The following BRINP3 variants were observed in gnomAD, a reference collection of about 807,000 sequenced individuals.
BRINP3 encodes the protein BMP/retinoic acid-inducible neural-specific protein 3.
BRINP3 carries 19 observed loss-of-function variants against 71.0 expected under a neutral mutation model. The ratio of observed to expected loss-of-function variants is 0.27; its 90% CI spans 0.19 to 0.39. BRINP3 has a LOEUF of 0.39. BRINP3 is among the 10% of genes least tolerant of loss of function. The pLI, the probability that BRINP3 is intolerant of heterozygous loss-of-function variation, is 1.00. For missense variants in BRINP3, 959 were observed against 940.8 expected, an observed-to-expected ratio of 1.02 and a Z score of -0.25; for synonymous variants, 380 against 337.7, an observed-to-expected ratio of 1.13 and a Z score of -1.37.
At chr1:190,150,772 A>T (rs947719419) in intron 7 of BRINP3, among the ~76,000 whole-genome samples, 6 of 152,206 alleles carry the variant, frequency 3.9e-5, no homozygotes, top group African/African-American at 1.2e-4. Context: ...ATGCACGATT[A>T]TATTTTTAAA....
intron 2 of BRINP3, among the ~76,000 whole-genome samples, chr1:190,327,311 TC>T (rs1159948907): frequency 6.5e-5 from 4 of 61,730 alleles, no homozygotes; most frequent in Non-Finnish European, 1.3e-4. Context: ...CGAGGCTCCA[TC>T]TCAAAAAAAA....
intron 4 of BRINP3, among the ~76,000 whole-genome samples, chr1:190,262,161 A>G (rs1211874387): frequency 6.6e-6 from 1 of 152,132 alleles, no homozygotes; most frequent in Non-Finnish European, 1.5e-5. Context: ...GCACATGATC[A>G]TGGGTTTCTG....
chr1:190,277,115 A>ATATATATATATATT (rs1212564236), intron 3 of BRINP3, among the ~76,000 whole-genome samples: 4 of 129,294 alleles, frequency 3.1e-5, no homozygotes, highest in African/African-American at 1.1e-4. Context: ...ATATATATAT[A>ATATATATATATATT]TATTTATATT....
chr1:190,235,494 G>C (rs1362234412), intron 4 of BRINP3, among the ~76,000 whole-genome samples: 1 of 151,986 alleles, frequency 6.6e-6, no homozygotes, highest in East Asian at 1.9e-4. Flanking sequence ...ATCATTTAAT[G>C]GTTTCCCATT....
chr1:190,371,338 A>T (rs1407744923), intron 2 of BRINP3, among the ~76,000 whole-genome samples: 1 of 152,132 alleles, frequency 6.6e-6, no homozygotes, highest in Non-Finnish European at 1.5e-5. Context: ...ATCCATTTTG[A>T]GTTGATTCCC....
At position 190,217,769 on chromosome 1, in the gene BRINP3, G is replaced by A. The variant is rs375013295; in HGVS notation, c.961+8313C>T. 3.9e-5 allele frequency among the ~76,000 whole-genome samples: 6 copies of A among 151,946 alleles called. No homozygotes were observed. The East Asian group carries it at 7.8e-4, about 20-fold the overall frequency. ...TGTAGATCACTGTTTTCCCAATATC[G>A]ACATAACGGCATCCACTATGGCAAG... On this transcript the variant is annotated intron_variant, in intron 6 of 7. Coordinates refer to ENST00000367462, the MANE Select transcript of BRINP3 (RefSeq NM_199051.3).
At chr1:190,442,780 T>C (rs943843695) in intron 2 of BRINP3, among the ~76,000 whole-genome samples, 4 of 147,874 alleles carry the variant, frequency 2.7e-5, no homozygotes, top group Non-Finnish European at 6.0e-5. Flanking sequence ...TTACTTTGTG[T>C]GTATTTTCTT....
chr1:190,303,852 A>AT lies in BRINP3; in HGVS notation c.237-22103dup, dbSNP rs1664901938. 2.6e-5 allele frequency among the ~76,000 whole-genome samples: 4 copies of AT among 151,888 alleles called. No homozygotes were observed. In the South Asian group the frequency reaches 8.3e-4, roughly 31 times the overall value. On this transcript the variant is annotated intron_variant, in intron 2 of 7. Coordinates refer to ENST00000367462, the MANE Select transcript of BRINP3 (RefSeq NM_199051.3). Reference sequence around the variant, plus strand: ...AATTACAGGGTTAGATAAAGTAAATATTTTTATTTTCCCCCTAGGTATTTA... The same window carrying AT: ...AATTACAGGGTTAGATAAAGTAAATATTTTTTATTTTCCCCCTAGGTATTTA...
chr1:190,443,380 G>C (rs1487621121), intron 2 of BRINP3, among the ~76,000 whole-genome samples: 3 of 150,830 alleles, frequency 2.0e-5, no homozygotes, highest in African/African-American at 7.3e-5. Flanking sequence ...ACTCTAGCCT[G>C]GGCGACAGAG....
At chr1:190,263,013 A>G (rs1175728616) in intron 4 of BRINP3, among the ~76,000 whole-genome samples, 4 of 152,070 alleles carry the variant, frequency 2.6e-5, no homozygotes, top group Non-Finnish European at 4.4e-5. Context: ...GTGCCTGTAT[A>G]TTTCTTACTT....
At chr1:190,274,595 C>T (rs1384684332) in intron 3 of BRINP3, among the ~76,000 whole-genome samples, 2 of 151,572 alleles carry the variant, frequency 1.3e-5, no homozygotes, top group East Asian at 3.9e-4. Context: ...AAAAGATGGT[C>T]CATTTTTTGG....
intron 4 of BRINP3, among the ~76,000 whole-genome samples, chr1:190,259,808 AC>A (rs1661016661): frequency 6.6e-6 from 1 of 151,632 alleles, no homozygotes; most frequent in Admixed American, 6.6e-5. Context: ...GGCGGGTGAA[AC>A]ACCTGAGGTC....
chr1:190,424,707 G>T (rs1673591411), intron 2 of BRINP3, among the ~76,000 whole-genome samples: 1 of 151,574 alleles, frequency 6.6e-6, no homozygotes, highest in Non-Finnish European at 1.5e-5. Context: ...GAGAATTTTA[G>T]CGTTTAAAGA....
At chr1:190,290,858 G>C (rs1220729174) in intron 2 of BRINP3, among the ~76,000 whole-genome samples, 7 of 151,714 alleles carry the variant, frequency 4.6e-5, no homozygotes, top group Non-Finnish European at 1.0e-4. Context: ...TTGATTGAAA[G>C]GTGGCTGTTA....
intron 5 of BRINP3, among the ~76,000 whole-genome samples, chr1:190,228,992 G>C (rs1458596027): frequency 6.6e-6 from 1 of 151,964 alleles, no homozygotes. Flanking sequence ...CGGTGTGAAA[G>C]GACTAGTTTG....
chr1:190,346,479 C>T (rs1668028282), intron 2 of BRINP3, among the ~76,000 whole-genome samples: 1 of 151,960 alleles, frequency 6.6e-6, no homozygotes, highest in East Asian at 1.9e-4. Context: ...GAATCTCAAA[C>T]ACTTTTTCGT....
intron 7 of BRINP3, among the ~76,000 whole-genome samples, chr1:190,128,580 G>A (rs1654275805): frequency 6.6e-6 from 1 of 151,670 alleles, no homozygotes; most frequent in African/African-American, 2.4e-5. Flanking sequence ...TTAGAAGTCT[G>A]TCCAATATCT....
intron 3 of BRINP3, among the ~76,000 whole-genome samples, chr1:190,278,413 G>C (rs893003234): frequency 1.9e-4 from 29 of 151,336 alleles, no homozygotes; most frequent in Non-Finnish European, 5.9e-5. Flanking sequence ...TGTTCAATCA[G>C]GTAAAACAGT....
At position 190,429,394 on chromosome 1, in the gene BRINP3, T is replaced by C. The variant is rs147270933; in HGVS notation, c.236+25261A>G. Reference sequence around the variant, plus strand: ...AAAAATATGGTAGACTTTTGTATAATGAAGTCATGGTTTCCCCTAATAAAG... The same window carrying C: ...AAAAATATGGTAGACTTTTGTATAACGAAGTCATGGTTTCCCCTAATAAAG... On this transcript the variant is annotated intron_variant, in intron 2 of 7. Coordinates refer to ENST00000367462, the MANE Select transcript of BRINP3 (RefSeq NM_199051.3). Among the ~76,000 whole-genome samples the C allele has an allele frequency of 5.5e-3, 841 of 152,278 alleles. 4 individuals carry two copies. The highest frequency in any genetic ancestry group is 0.019 in the African/African-American group (776 of 41,560).
Sources: gnomAD v4.1 joint callset for allele counts (sites outside exome capture counted in the v4.1 genomes callset) on GRCh38, gnomAD v4.1.1 for gene constraint, MANE v1.5 for transcripts, NCBI Gene and HGNC (gene_info 2026-07-23, HGNC 2026-07-21) for gene names.